Variants in KCNK2 observed in about 807,000 individuals in gnomAD.
KCNK2 encodes potassium channel subfamily K member 2.
KCNK2 carries 21 observed loss-of-function variants against 40.5 expected under a neutral mutation model. The ratio of observed to expected loss-of-function variants is 0.52; its 90% confidence interval spans 0.37 to 0.75. The LOEUF (loss-of-function observed/expected upper bound fraction) is 0.75, where lower values mean the gene tolerates loss of function less well. Among genes scored for constraint, KCNK2 ranks in the 30% least tolerant of loss-of-function variants. The pLI is 0.00. For missense variants in KCNK2, 399 were observed against 531.6 expected (o/e 0.75, Z 2.45); for synonymous variants, 191 against 202.2 (o/e 0.94, Z 0.47).
rs1571859137 is a variant in KCNK2 at position 215,032,055 on chromosome 1, A to G, written c.34+26100A>G. Reference sequence around the variant, plus strand: ...ATACACAATCGAGTACAGTATATTGATGCTATTATTATTTTGAGCAAACTG... The same window carrying G: ...ATACACAATCGAGTACAGTATATTGGTGCTATTATTATTTTGAGCAAACTG... On this transcript the variant is annotated intron_variant, in intron 1 of 6. Transcript: ENST00000391895. Among the ~76,000 whole-genome samples, 3 of 151,696 alleles carry G rather than the reference A, an allele frequency of 2.0e-5. No homozygotes were observed. The East Asian group carries it at 5.8e-4, about 29-fold the overall frequency.
At chr1:215,177,400 T>A (rs1664021487) in intron 5 of KCNK2, among the ~76,000 whole-genome samples, 1 of 152,126 alleles carries the variant, frequency 6.6e-6, no homozygotes, top group Non-Finnish European at 1.5e-5. Context: ...TGAAATTGCT[T>A]TTGAGGACAT....
At chr1:215,231,720 A>G (rs1476300159) in intron 6 of KCNK2, among the ~76,000 whole-genome samples, 2 of 152,198 alleles carry the variant, frequency 1.3e-5, no homozygotes, top group Admixed American at 6.5e-5. Context: ...GTCTGTTCTC[A>G]TACTGCTAGT....
At chr1:215,007,224 TA>T (rs1656212189) in intron 1 of KCNK2, among the ~76,000 whole-genome samples, 2 of 107,006 alleles carry the variant, frequency 1.9e-5, no homozygotes, top group Non-Finnish European at 3.8e-5. Context: ...TATATATATA[TA>T]TAGGCTCATT....
At chr1:215,077,639 C>A (rs1024879838) in intron 1 of KCNK2, among the ~76,000 whole-genome samples, 1 of 151,944 alleles carries the variant, frequency 6.6e-6, no homozygotes, top group African/African-American at 2.4e-5. Context: ...CTGGTTTCTA[C>A]CTGCCTCTTC....
At chr1:215,185,438 G>A (rs997670189) in intron 5 of KCNK2, among the ~76,000 whole-genome samples, 1 of 152,154 alleles carries the variant, frequency 6.6e-6, no homozygotes, top group Non-Finnish European at 1.5e-5. Flanking sequence ...GGTAGCAGAT[G>A]TGTGCCCTTT....
At position 215,234,876 on chromosome 1, in the gene KCNK2, G is replaced by A. The variant is rs753784478; in HGVS notation, c.1012G>A (p.Ala338Thr). 10 of 1,613,942 alleles carry A rather than the reference G, an allele frequency of 6.2e-6. No homozygotes were observed. The highest frequency in any genetic ancestry group is 7.6e-6 in the Non-Finnish European group (9 of 1,180,002). ...HAAEWTANVT[A>T]EFKETRRRLS... ...TGCTGAGTGGACAGCCAACGTCACA[G>A]CCGAATTCAAAGAAACCAGGAGGCG... The change falls in exon 7 of 7, where the codon GCC (alanine) becomes ACC (threonine). Residue 338 changes from alanine (A) to threonine (T), a missense_variant. By Grantham distance (58) the Ala-to-Thr change is moderately conservative (BLOSUM62 0). Coordinates refer to ENST00000444842, the MANE Select transcript of KCNK2 (RefSeq NM_001017425.3).
In KCNK2 at chr1:215,174,695, T is replaced by C. The variant is rs532398473; in HGVS notation, c.823+2512T>C. ...TTGAAGAGGTCCTTCACATCCCTTG[T>C]AAGTTGGATTCCTGGATATTTTATT... is the stretch of plus-strand genomic sequence containing the variant. On this transcript the variant is annotated intron_variant, in intron 5 of 6. Transcript: ENST00000444842. Among the ~76,000 whole-genome samples, 13 of 152,314 alleles carry C rather than the reference T, an allele frequency of 8.5e-5. No homozygotes were observed. The South Asian group carries it at 2.5e-3, about 29-fold the overall frequency.
upstream of KCNK2, among the ~76,000 whole-genome samples, chr1:215,081,329 A>G (rs1318398566): frequency 6.6e-6 from 1 of 152,122 alleles, no homozygotes; most frequent in Non-Finnish European, 1.5e-5. Flanking sequence ...ATTTAGCCAG[A>G]TCAGGAAGCA....
At chr1:215,164,274 A>G (rs1201228084) in intron 3 of KCNK2, among the ~76,000 whole-genome samples, 1 of 151,962 alleles carries the variant, frequency 6.6e-6, no homozygotes, top group East Asian at 1.9e-4. Flanking sequence ...TATCCCCTTT[A>G]TCATTTTTTA....
intron 5 of KCNK2, among the ~76,000 whole-genome samples, chr1:215,185,893 A>G (rs1272340430): frequency 5.3e-5 from 8 of 152,232 alleles, no homozygotes; most frequent in African/African-American, 1.9e-4. Flanking sequence ...GGCAACTTAA[A>G]GAATGTATTC....
chr1:215,006,744 A>G (rs1656140053), intron 1 of KCNK2, among the ~76,000 whole-genome samples: 1 of 151,882 alleles, frequency 6.6e-6, no homozygotes, highest in Non-Finnish European at 1.5e-5. Context: ...GGGTAATAGG[A>G]CACGTTTCCT....
chr1:215,201,881 C>T (rs1278561611), intron 6 of KCNK2, among the ~76,000 whole-genome samples: 1 of 152,022 alleles, frequency 6.6e-6, no homozygotes, highest in Non-Finnish European at 1.5e-5. Flanking sequence ...TTCTTCTTCC[C>T]ACCCTCCATC....
chr1:215,175,062 G>C (rs1663896415), intron 5 of KCNK2, among the ~76,000 whole-genome samples: 1 of 152,308 alleles, frequency 6.6e-6, no homozygotes, highest in East Asian at 1.9e-4. Context: ...CAAAGGAAAT[G>C]CTTCCAGTTT....
intron 1 of KCNK2, among the ~76,000 whole-genome samples, chr1:215,007,667 T>C (rs1656231900): frequency 6.6e-6 from 1 of 152,154 alleles, no homozygotes; most frequent in Admixed American, 6.5e-5. Context: ...ATGCTGTATA[T>C]GTGATTTGAT....
intron 5 of KCNK2, among the ~76,000 whole-genome samples, chr1:215,185,635 C>G (rs1664403643): frequency 6.6e-6 from 1 of 152,090 alleles, no homozygotes; most frequent in Non-Finnish European, 1.5e-5. Flanking sequence ...TAGAACTTTC[C>G]CTCTTGCTAT....
intron 6 of KCNK2, among the ~76,000 whole-genome samples, chr1:215,222,518 T>C (rs1026497426): frequency 6.6e-6 from 1 of 152,198 alleles, no homozygotes; most frequent in African/African-American, 2.4e-5. Context: ...TTATTTTTCT[T>C]GACATTGTCT....
intron 1 of KCNK2, among the ~76,000 whole-genome samples, chr1:215,053,720 A>G (rs1293293007): frequency 6.6e-6 from 1 of 152,236 alleles, no homozygotes; most frequent in Admixed American, 6.5e-5. Flanking sequence ...TGAACTCAGT[A>G]CAATCCCTGG....
At chr1:215,067,736 G>A (rs1658608522) in intron 1 of KCNK2, among the ~76,000 whole-genome samples, 1 of 151,982 alleles carries the variant, frequency 6.6e-6, no homozygotes, top group African/African-American at 2.4e-5. Flanking sequence ...CGTGGTGGTG[G>A]GTGCCTGTAA....
chr1:215,210,538 T>G (rs1665697071), intron 6 of KCNK2, among the ~76,000 whole-genome samples: 1 of 152,116 alleles, frequency 6.6e-6, no homozygotes, highest in Admixed American at 6.6e-5. Flanking sequence ...ATAGCACTAA[T>G]TATTTCATTC....
Sources: allele counts gnomAD v4.1 joint callset (sites outside exome capture counted in the v4.1 genomes callset), GRCh38; gene constraint gnomAD v4.1.1; transcripts MANE v1.5; gene names NCBI Gene and HGNC (gene_info 2026-07-23, HGNC 2026-07-21).